Variants in DEAF1 observed in about 807,000 individuals in gnomAD.
DEAF1 encodes the protein DEAF1 transcription factor.
A neutral mutation model predicts 58.9 loss-of-function variants in DEAF1; 53 were observed. The ratio of observed to expected loss-of-function variants is 0.90; its 90% confidence interval spans 0.72 to 1.13. The LOEUF (loss-of-function observed/expected upper bound fraction) is 1.13. Ranked by LOEUF, DEAF1 falls within the 50% of genes most tolerant of loss-of-function variation. The probability of loss-of-function intolerance (pLI) is 0.00; values close to 1 mark genes in which losing one functional copy is unlikely to be tolerated. For synonymous variants in DEAF1, 385 were observed against 340.4 expected (o/e 1.13, Z -1.44); for missense variants, 685 against 791.4 (o/e 0.87, Z 1.61).
At chr11:685,909 C>T (rs186543505) in intron 5 of DEAF1, among the ~76,000 whole-genome samples, 4 of 151,250 alleles carry the variant, frequency 2.6e-5, no homozygotes, top group East Asian at 3.9e-4. Context: ...CTTTGAGAGG[C>T]GAGGCAGGTG....
At chr11:685,068 T>G in intron 5 of DEAF1, 105 bp from the exon 6 acceptor site, 2 of 620,666 alleles carry the variant, frequency 3.2e-6, no homozygotes, top group East Asian at 3.7e-5. Context: ...CTACCATTCA[T>G]AAATATAAAA....
rs1209679642 is a variant in DEAF1, at chr11:694,961, G to C, written c.87C>G (p.Ala29=). The change falls in exon 1 of 12, where the codon GCC becomes GCG. Residue 29 remains alanine, a synonymous_variant. Transcript: ENST00000382409. The stretch of plus-strand genomic sequence containing the variant: ...CCGCCTCGCCTCCTGCCGCGGCCGC[G>C]GCCGCCGCCGCCACAGCGGCCGCGG... The part of the protein sequence containing the change: ...VAAAAAVAAA[A]AAAAGGEAEE... 4 of 1,157,328 alleles carry C rather than the reference G, an allele frequency of 3.5e-6. No homozygotes were observed. Among genetic ancestry groups the C allele is most frequent in the Non-Finnish European group, 4.3e-6 (4 of 940,378 alleles). The allele number at this position is 1,157,328 out of a possible 1,614,324, so 71.7% of individuals were successfully genotyped here. A position where few individuals can be genotyped will look rare whatever the true frequency, so the allele number is the denominator to read the frequency against.
At chr11:707,016 G>A (rs1341737301) in exon 1 of DEAF1, among the ~76,000 whole-genome samples, 2 of 151,934 alleles carry the variant, frequency 1.3e-5, no homozygotes, top group Non-Finnish European at 2.9e-5. Context: ...GGGAGGGGGA[G>A]GCAGGGCCGG....
chr11:690,447 A>C (rs1860789347), intron 2 of DEAF1, among the ~76,000 whole-genome samples: 1 of 151,574 alleles, frequency 6.6e-6, no homozygotes, highest in African/African-American at 2.4e-5. Context: ...CCATTCTAAC[A>C]ATAACTGTGC....
intron 10 of DEAF1, among the ~76,000 whole-genome samples, chr11:657,101 G>A (rs907616974): frequency 6.6e-6 from 1 of 152,070 alleles, no homozygotes; most frequent in African/African-American, 2.4e-5. Context: ...CATCCCAGCA[G>A]CACCGGACCC....
chr11:695,169 C>A lies in DEAF1; in HGVS notation c.-122G>T. The A allele has an allele frequency of 2.2e-6, 2 of 928,178 alleles. No homozygotes were observed. Among genetic ancestry groups the A allele is most frequent in the South Asian group, 2.1e-5 (1 of 46,524 alleles). 57.5% of individuals were successfully genotyped at this position (928,178 alleles called of 1,614,324 possible). A position where few individuals can be genotyped will look rare whatever the true frequency, so the allele number is the denominator to read the frequency against. On this transcript the variant is annotated 5_prime_UTR_variant, in exon 1 of 12. Transcript: ENST00000382409. ...GGGCCGAGGCCGCCCGAAGCCGCCG[C>A]CCGAATAGGGACCGAAAAGGCAGCC...
upstream of DEAF1, chr11:695,674 T>A (rs1861098237): frequency 2.4e-6 from 3 of 1,243,708 alleles, no homozygotes; most frequent in South Asian, 7.9e-5. Flanking sequence ...CCGGACGGAC[T>A]AATCGGGCCT....
intron 11 of DEAF1, among the ~76,000 whole-genome samples, chr11:650,395 A>G (rs933939067): frequency 4.6e-5 from 7 of 150,896 alleles, no homozygotes; most frequent in Non-Finnish European, 5.9e-5. Flanking sequence ...AAAAAAAAAA[A>G]AAAAGGCAGA....
In DEAF1 at chr11:672,089, C is replaced by T. The variant is rs150662253; in HGVS notation, c.1503+2447G>A. On this transcript the variant is annotated intron_variant, in intron 10 of 11. Coordinates refer to ENST00000382409, the MANE Select transcript of DEAF1 (RefSeq NM_021008.4). ...GCATACCTAATGACCATGCATTCCTCCTATGGAAGGCTTCTGGACAATCAC... is the reference window on the plus strand; with the variant it reads ...GCATACCTAATGACCATGCATTCCTTCTATGGAAGGCTTCTGGACAATCAC... 2.8e-3 allele frequency among the ~76,000 whole-genome samples: 427 copies of T among 152,280 alleles called. 1 individual carries two copies. The highest frequency in any genetic ancestry group is 0.014 in the Middle Eastern group (4 of 294).
chr11:694,691 T>TGCGGGGCAGGCGC (rs951625250), intron 1 of DEAF1, 68 bp downstream of exon 1: 24 of 1,266,222 alleles, frequency 1.9e-5, no homozygotes, highest in Admixed American at 4.3e-5. Flanking sequence ...GGGACAGTTG[T>TGCGGGGCAGGCGC]GCGGGGCAGG....
At chr11:658,495 C>T (rs1181530255) in intron 10 of DEAF1, among the ~76,000 whole-genome samples, 5 of 152,262 alleles carry the variant, frequency 3.3e-5, no homozygotes, top group Admixed American at 3.3e-4. Flanking sequence ...AAGGTTAGGA[C>T]AAGACACCGC....
chr11:680,947 GT>G lies in DEAF1; in HGVS notation c.997+15del. ...GGTCCCCTCAGTAAACTAGAGCTGT[GT>G]TTTCTCAAACTCACAGGTGGTAGCC... On this transcript the variant is annotated intron_variant, in intron 7 of 11. Coordinates refer to ENST00000382409, the MANE Select transcript of DEAF1 (RefSeq NM_021008.4). 6.2e-7 allele frequency: 1 copy of G among 1,614,146 alleles called. No homozygotes were observed. Among genetic ancestry groups the G allele is most frequent in the Non-Finnish European group, 8.5e-7 (1 of 1,180,016 alleles).
chr11:656,287 C>T (rs1247128395), intron 10 of DEAF1, among the ~76,000 whole-genome samples: 2 of 152,024 alleles, frequency 1.3e-5, no homozygotes, highest in Non-Finnish European at 2.9e-5. Context: ...TCTCAAGTAG[C>T]TGGGATTATA....
chr11:705,258 C>A (rs942358885), intron 1 of DEAF1: 1 of 162,718 alleles, frequency 6.1e-6, no homozygotes, highest in Non-Finnish European at 1.4e-5. Context: ...AGCCTTGGGT[C>A]CCTGCATGGG....
At chr11:648,687 A>C (rs1454125557) in intron 11 of DEAF1, among the ~76,000 whole-genome samples, 1 of 152,202 alleles carries the variant, frequency 6.6e-6, no homozygotes, top group African/African-American at 2.4e-5. Context: ...CCTCTGCAGT[A>C]CACTTTCCCT....
intron 1 of DEAF1, chr11:704,557 C>T (rs1342402264): frequency 7.8e-7 from 1 of 1,289,358 alleles, no homozygotes; most frequent in Non-Finnish European, 1.0e-6. Flanking sequence ...GCTGGGCACA[C>T]CTGCCATCTG....
chr11:667,144 G>A (rs190414551), intron 10 of DEAF1, among the ~76,000 whole-genome samples: 1 of 151,978 alleles, frequency 6.6e-6, no homozygotes, highest in Admixed American at 6.6e-5. Context: ...CGGCCAGCCT[G>A]GGCATCATGG....
At chr11:675,075 C>T (rs1466903267) in intron 9 of DEAF1, among the ~76,000 whole-genome samples, 1 of 151,992 alleles carries the variant, frequency 6.6e-6, no homozygotes, top group Non-Finnish European at 1.5e-5. Flanking sequence ...TCCCAGCTAC[C>T]TCGGGAGGCT....
At chr11:670,199 A>G in intron 10 of DEAF1, among the ~76,000 whole-genome samples, 1 of 152,008 alleles carries the variant, frequency 6.6e-6, no homozygotes, top group East Asian at 1.9e-4. Flanking sequence ...TGCATTCATC[A>G]AAACTCACTA....
Sources: gnomAD v4.1 joint callset for allele counts (sites outside exome capture counted in the v4.1 genomes callset) on GRCh38, gnomAD v4.1.1 for gene constraint, MANE v1.5 for transcripts, NCBI Gene and HGNC (gene_info 2026-07-23, HGNC 2026-07-21) for gene names.